Variants in TTL observed in about 807,000 individuals in gnomAD.
The protein encoded by TTL is tubulin tyrosine ligase.
In TTL, 10 loss-of-function variants were observed where a neutral mutation model predicts 41.1. The ratio of observed to expected loss-of-function variants is 0.24; its 90% CI spans 0.15 to 0.41. TTL has a LOEUF of 0.41. Among genes scored for constraint, TTL ranks in the 10% least tolerant of loss-of-function variants. The pLI, the probability that TTL is intolerant of heterozygous loss-of-function variation, is 1.00. For synonymous variants in TTL, 175 were observed against 175.5 expected (o/e 1.00, Z 0.02); for missense variants, 367 against 460.4 (o/e 0.80, Z 1.86).
At position 112,530,953 on chromosome 2, in the gene TTL, TAAATTTTA is replaced by T. The variant is rs1682492776; in HGVS notation, c.*2161_*2168del. 5.7e-6 allele frequency: 1 copy of T among 176,884 alleles called. No individual in the cohort carries two copies. Among genetic ancestry groups the T allele is most frequent in the South Asian group, 2.0e-4 (1 of 5,050 alleles). 11.0% of individuals were successfully genotyped at this position (176,884 alleles called of 1,614,324 possible). The stretch of plus-strand genomic sequence containing the variant: ...ATTTTAAATTTCAAATAAATTTAAA[TAAATTTTA>T]AATAAATTTTAAATAAAATTTTACA... On this transcript the variant is annotated 3_prime_UTR_variant, in exon 7 of 7. Coordinates refer to ENST00000233336, the MANE Select transcript of TTL (RefSeq NM_153712.5).
chr2:112,494,681 G>T (rs781417337), intron 3 of TTL, among the ~76,000 whole-genome samples: 1 of 151,938 alleles, frequency 6.6e-6, no homozygotes, highest in Non-Finnish European at 1.5e-5. Context: ...CCTCCTTCAC[G>T]CTTTCCACTT....
chr2:112,490,497 G>A (rs1207915226), intron 2 of TTL, among the ~76,000 whole-genome samples: 1 of 149,496 alleles, frequency 6.7e-6, no homozygotes, highest in African/African-American at 2.5e-5. Context: ...TGAAGCAAAT[G>A]TTTCCAATAT....
At chr2:112,522,871 T>C (rs1682278626) in intron 6 of TTL, among the ~76,000 whole-genome samples, 3 of 152,232 alleles carry the variant, frequency 2.0e-5, no homozygotes, top group Admixed American at 2.0e-4. Flanking sequence ...CAGGGTGTCT[T>C]CCACCATAGT....
At chr2:112,520,926 A>C (rs1682208971) in intron 6 of TTL, among the ~76,000 whole-genome samples, 1 of 152,146 alleles carries the variant, frequency 6.6e-6, no homozygotes, top group African/African-American at 2.4e-5. Flanking sequence ...AAAAGTAAAA[A>C]ATGTAAGCAG....
chr2:112,534,102 C>T lies in TTL; in HGVS notation c.*5307C>T, dbSNP rs2043737. ...TTCGGGAGGCCAAGGCGGGCGATCA[C>T]GAGGTCAGGAGATGGAGACCATCCT... On this transcript the variant is annotated 3_prime_UTR_variant, in exon 7 of 7. Coordinates refer to ENST00000233336, the MANE Select transcript of TTL (RefSeq NM_153712.5). 137,791 of 152,102 alleles carry T rather than the reference C, an allele frequency of 0.91. 63,707 individuals carry two copies. The highest frequency in any genetic ancestry group is 1 in the East Asian group (5,158 of 5,160). 9.4% of individuals were successfully genotyped at this position (152,102 alleles called of 1,614,324 possible). A position where few individuals can be genotyped will look rare whatever the true frequency, so the allele number is the denominator to read the frequency against.
chr2:112,487,638 G>A (rs962944388), intron 2 of TTL, among the ~76,000 whole-genome samples: 4 of 152,180 alleles, frequency 2.6e-5, no homozygotes, highest in Admixed American at 6.5e-5. Flanking sequence ...CAGAATCCCC[G>A]TGTCTCATCT....
intron 5 of TTL, among the ~76,000 whole-genome samples, chr2:112,519,640 G>A (rs62157534): frequency 0.17 from 24,967 of 146,678 alleles, 2,339 homozygotes; most frequent in East Asian, 0.3. Context: ...AATGTTTTAC[G>A]TGTTATAAAC....
Position 112,494,314 on chromosome 2 carries a change from CAGAA to C in TTL, c.416_419del (p.Lys139ArgfsTer34), listed in dbSNP as rs1333127675. ...GAGAATTCTTTCTCGCCTCTTATAA[CAGAA>C]AGAAAGAGGATGGAGAGGGCAACGT... On this transcript the variant is annotated frameshift_variant, in exon 3 of 7. Transcript: ENST00000233336. LOFTEE classifies it high-confidence loss of function. 1.2e-6 allele frequency: 2 copies of C among 1,614,024 alleles called. No individual in the cohort carries two copies. Among genetic ancestry groups the C allele is most frequent in the African/African-American group, 1.3e-5 (1 of 74,916 alleles).
intron 6 of TTL, among the ~76,000 whole-genome samples, chr2:112,527,578 G>A (rs1210380417): frequency 1.3e-5 from 2 of 152,098 alleles, no homozygotes; most frequent in Non-Finnish European, 2.9e-5. Context: ...GGCCTTCTTT[G>A]TCTCTTTTGA....
At position 112,532,367 on chromosome 2, in the gene TTL, A is replaced by T. The variant is rs1302439862; in HGVS notation, c.*3572A>T. 8.8e-6 allele frequency: 2 copies of T among 226,920 alleles called. No individual in the cohort carries two copies. Among genetic ancestry groups the T allele is most frequent in the Non-Finnish European group, 1.8e-5 (2 of 114,032 alleles). 14.1% of individuals were successfully genotyped at this position (226,920 alleles called of 1,614,324 possible). A position where few individuals can be genotyped will look rare whatever the true frequency, so the allele number is the denominator to read the frequency against. On this transcript the variant is annotated 3_prime_UTR_variant, in exon 7 of 7. Coordinates refer to ENST00000233336, the MANE Select transcript of TTL (RefSeq NM_153712.5). ...AAATAAGGCGATTGTATGAATATTT[A>T]AAATGCCTGGAACACTAAAGTAAAG...
rs1248168325 is a variant in TTL, at chr2:112,533,468, T to G, written c.*4673T>G. 1.3e-5 allele frequency: 2 copies of G among 152,240 alleles called. No individual in the cohort carries two copies. The highest frequency in any genetic ancestry group is 4.8e-5 in the African/African-American group (2 of 41,460). The allele number at this position is 152,240 out of a possible 1,614,324, so 9.4% of individuals were successfully genotyped here. A position where few individuals can be genotyped will look rare whatever the true frequency, so the allele number is the denominator to read the frequency against. ...TTTTAGAAGTGTTTTCCCCAAAGCA[T>G]CCCTCCATATCTTAGTCTATTTTGT... On this transcript the variant is annotated 3_prime_UTR_variant, in exon 7 of 7. Coordinates refer to ENST00000233336, the MANE Select transcript of TTL (RefSeq NM_153712.5).
intron 2 of TTL, among the ~76,000 whole-genome samples, chr2:112,487,786 C>T (rs1574053151): frequency 6.6e-6 from 1 of 152,290 alleles, no homozygotes; most frequent in South Asian, 2.1e-4. Flanking sequence ...CAGCTTCCAT[C>T]TTTGTCTCAG....
intron 5 of TTL, among the ~76,000 whole-genome samples, chr2:112,509,837 C>G (rs1239908636): frequency 1.3e-5 from 2 of 152,182 alleles, no homozygotes. Context: ...GCCATCTTGG[C>G]TCCTCCTCCT....
chr2:112,485,576 T>G (rs1028693875), intron 1 of TTL, among the ~76,000 whole-genome samples: 4 of 152,180 alleles, frequency 2.6e-5, no homozygotes, highest in African/African-American at 7.2e-5. Context: ...AGTCTATATG[T>G]GTTAAGCCAG....
intron 2 of TTL, among the ~76,000 whole-genome samples, chr2:112,493,870 T>C (rs527252305): frequency 6.6e-6 from 1 of 152,320 alleles, no homozygotes; most frequent in South Asian, 2.1e-4. Context: ...CGGTTAAGTT[T>C]CATTAGAGAT....
chr2:112,498,418 G>T (rs910608712), intron 3 of TTL, among the ~76,000 whole-genome samples: 1 of 152,022 alleles, frequency 6.6e-6, no homozygotes, highest in Non-Finnish European at 1.5e-5. Flanking sequence ...TAGGCTCTGT[G>T]TGCTAAAAAT....
chr2:112,496,997 C>T (rs2943626), intron 3 of TTL, among the ~76,000 whole-genome samples: 1 of 151,854 alleles, frequency 6.6e-6, no homozygotes, highest in Admixed American at 6.6e-5. Context: ...ATTTTTTGTA[C>T]TTTTAGTTGA....
rs10635241 is a variant in TTL, at chr2:112,496,665, CTGTGTGTGTGTGTGTG to C, written c.469+2318_469+2333del. 6.8e-3 allele frequency among the ~76,000 whole-genome samples: 723 copies of C among 106,050 alleles called. 10 individuals are homozygous for C. Among genetic ancestry groups the C allele is most frequent in the African/African-American group, 0.025 (666 of 26,714 alleles). The allele number at this position is 106,050 out of a possible 152,430, so 69.6% of individuals were successfully genotyped here. A position where few individuals can be genotyped will look rare whatever the true frequency, so the allele number is the denominator to read the frequency against. On this transcript the variant is annotated intron_variant, in intron 3 of 6. Transcript: ENST00000233336. The stretch of plus-strand genomic sequence containing the variant: ...TTTTTTATTTTATATATATATGTGT[CTGTGTGTGTGTGTGTG>C]TGTGTGTGTGTGTGTGTGTGTGTGT...
At chr2:112,492,702 C>A (rs1301392822) in intron 2 of TTL, among the ~76,000 whole-genome samples, 2 of 151,738 alleles carry the variant, frequency 1.3e-5, no homozygotes, top group African/African-American at 4.8e-5. Context: ...TGCACTTCAG[C>A]CTGGGCGACA....
Sources: allele counts gnomAD v4.1 joint callset (sites outside exome capture counted in the v4.1 genomes callset), GRCh38; gene constraint gnomAD v4.1.1; transcripts MANE v1.5; gene names NCBI Gene and HGNC (gene_info 2026-07-23, HGNC 2026-07-21).